The following ODF2L variants were observed in gnomAD, a reference collection of about 807,000 sequenced individuals.
The protein encoded by ODF2L is protein BCAP.
Under a neutral mutation model 86.3 loss-of-function variants are expected in ODF2L, and 76 were observed. That is an observed-to-expected ratio of 0.88 (90% CI 0.73 to 1.07). The LOEUF (loss-of-function observed/expected upper bound fraction) is 1.07, where lower values mean the gene tolerates loss of function less well. Among genes scored for constraint, ODF2L ranks in the 50% least tolerant of loss-of-function variants. The pLI is 0.00. For synonymous variants in ODF2L, 241 were observed against 231.3 expected (o/e 1.04, Z -0.38); for missense variants, 748 against 717.4 (o/e 1.04, Z -0.49).
chr1:86,388,687 A>AT (rs1338344623), intron 1 of ODF2L, among the ~76,000 whole-genome samples: 6 of 152,116 alleles, frequency 3.9e-5, no homozygotes. Context: ...GAAATTTTCA[A>AT]TTTGTAGAAA....
exon 10 of ODF2L, chr1:86,371,061 TCAATTGAGTGAA>T: frequency 1.3e-6 from 2 of 1,571,578 alleles, no homozygotes; most frequent in African/African-American, 2.7e-5. Flanking sequence ...ATTTTCATAT[TCAATTGAGTGAA>T]CTTTTCTAAG....
chr1:86,395,741 G>GC (rs909056098), intron 1 of ODF2L, among the ~76,000 whole-genome samples: 68 of 152,286 alleles, frequency 4.5e-4, no homozygotes, highest in Admixed American at 1.4e-3. Context: ...TCCAGGAACG[G>GC]CCCGGTCAGG....
At chr1:86,362,367 C>T (rs1659101566) in intron 11 of ODF2L, among the ~76,000 whole-genome samples, 1 of 151,668 alleles carries the variant, frequency 6.6e-6, no homozygotes, top group Admixed American at 6.6e-5. Context: ...AATCATGGTT[C>T]ACTGCAGCCT....
intron 11 of ODF2L, among the ~76,000 whole-genome samples, chr1:86,367,746 A>T (rs987070308): frequency 6.6e-6 from 1 of 152,218 alleles, no homozygotes; most frequent in Non-Finnish European, 1.5e-5. Flanking sequence ...GTTTAGAATC[A>T]ATCTATAAAA....
Position 86,354,515 on chromosome 1 carries a change from A to G in ODF2L, c.1767+15T>C, listed in dbSNP as rs1366318932. The G allele has an allele frequency of 6.5e-7, 1 of 1,534,816 alleles. No individual in the cohort carries two copies. Among genetic ancestry groups the G allele is most frequent in the Non-Finnish European group, 8.9e-7 (1 of 1,129,066 alleles). On this transcript the variant is annotated intron_variant, in intron 16 of 17. Transcript: ENST00000317336. ...TAAATGAATTAAAAAGTTTCTAAAT[A>G]AAGGCCATGCATACCTTTTGTCTTC... is the stretch of plus-strand genomic sequence containing the variant.
chr1:86,383,009 C>T lies in ODF2L; in HGVS notation c.436-7G>A. 6.9e-7 allele frequency: 1 copy of T among 1,457,428 alleles called. No homozygotes were observed. The highest frequency in any genetic ancestry group is 9.6e-7 in the Non-Finnish European group (1 of 1,040,342). 90.3% of individuals were successfully genotyped at this position (1,457,428 alleles called of 1,614,324 possible). A position where few individuals can be genotyped will look rare whatever the true frequency, so the allele number is the denominator to read the frequency against. ...ATACCTTCTTCTTAAGATTCTTGAG[C>T]AAATATAAAATAAGAATTAGGAATT... On this transcript the variant is annotated splice_polypyrimidine_tract_variant and splice_region_variant and intron_variant, in intron 5 of 17. Transcript: ENST00000317336.
At chr1:86,376,503 T>C (rs1391596347) in intron 7 of ODF2L, 85 bp from the exon 8 acceptor site, 2 of 818,978 alleles carry the variant, frequency 2.4e-6, no homozygotes, top group Non-Finnish European at 3.8e-6. Flanking sequence ...ATAACTGATA[T>C]GGTTTGTGTA....
chr1:86,379,774 C>T (rs1419145764), intron 7 of ODF2L, among the ~76,000 whole-genome samples: 1 of 152,134 alleles, frequency 6.6e-6, no homozygotes. Context: ...TATTCCAAGA[C>T]CAAACACAGG....
rs191494066 is a variant in ODF2L at position 86,366,026 on chromosome 1, G to A, written c.1143+2610C>T. Among the ~76,000 whole-genome samples the A allele has an allele frequency of 2.0e-3, 305 of 152,260 alleles. 4 individuals are homozygous for A. The highest frequency in any genetic ancestry group is 0.012 in the South Asian group (60 of 4,830). ...GACGGTGCTGGCGACCCAGAGCAAA[G>A]ACGCATGTATTTTGGCATTTTTAGG... On this transcript the variant is annotated intron_variant, in intron 11 of 17. Transcript: ENST00000317336.
At position 86,360,531 on chromosome 1, in the gene ODF2L, T is replaced by C. The variant is rs768070887; in HGVS notation, c.1149A>G (p.Thr383=). ...CAACTTCATCCTTCAAAGCAGCAAGTGTAGTCTAGCAAAAAAGATATAGAT... is the reference window on the plus strand; with the variant it reads ...CAACTTCATCCTTCAAAGCAGCAAGCGTAGTCTAGCAAAAAAGATATAGAT... Residue 383 remains threonine (T), a synonymous_variant, in exon 12 of 18, where the codon ACA becomes ACG. Coordinates refer to ENST00000317336, the Ensembl canonical transcript of ODF2L. 2.7e-6 allele frequency: 4 copies of C among 1,495,548 alleles called. No individual in the cohort carries two copies. The African/African-American group carries it at 5.6e-5, about 21-fold the overall frequency. The allele number at this position is 1,495,548 out of a possible 1,614,324, so 92.6% of individuals were successfully genotyped here.
chr1:86,388,409 T>A (rs1453005636), intron 1 of ODF2L, among the ~76,000 whole-genome samples: 1 of 152,116 alleles, frequency 6.6e-6, no homozygotes, highest in African/African-American at 2.4e-5. Context: ...TTTACTTGTT[T>A]AAATATTTGT....
chr1:86,368,056 G>A (rs1019880263), intron 11 of ODF2L, among the ~76,000 whole-genome samples: 36 of 151,992 alleles, frequency 2.4e-4, no homozygotes, highest in Admixed American at 1.9e-3. Flanking sequence ...AGCTGAACAC[G>A]GCAAGCCACA....
At chr1:86,351,769 A>T in exon 18 of ODF2L, 1 of 294,208 alleles carries the variant, frequency 3.4e-6, no homozygotes, top group African/African-American at 2.3e-5. Context: ...TTATTTCCTT[A>T]AGCAGTGGTT....
At chr1:86,386,472 G>A (rs947317623) in intron 2 of ODF2L, 2 of 153,190 alleles carry the variant, frequency 1.3e-5, no homozygotes, top group African/African-American at 2.4e-5. Flanking sequence ...TGTGACCTTC[G>A]CCTCCCAGGT....
intron 2 of ODF2L, chr1:86,385,810 G>C (rs995392287): frequency 2.3e-4 from 88 of 375,770 alleles, no homozygotes; most frequent in Admixed American, 8.7e-5. Context: ...TTGGATTAAA[G>C]ATGTACGTAT....
intron 11 of ODF2L, among the ~76,000 whole-genome samples, chr1:86,366,982 G>A (rs983440065): frequency 6.6e-6 from 1 of 151,980 alleles, no homozygotes; most frequent in Non-Finnish European, 1.5e-5. Flanking sequence ...GATTTACAAG[G>A]TCTACAAAGT....
intron 13 of ODF2L, chr1:86,357,639 A>T: frequency 7.5e-6 from 2 of 265,764 alleles, no homozygotes; most frequent in Non-Finnish European, 1.2e-5. Flanking sequence ...GTCTGTTTTA[A>T]GGACACTGAG....
intron 3 of ODF2L, 134 bp from the exon 4 acceptor site, chr1:86,384,935 C>T (rs192100941): frequency 1.1e-4 from 57 of 538,998 alleles, no homozygotes; most frequent in East Asian, 2.9e-4. Flanking sequence ...ATAAATGCTA[C>T]GAAATTTGTC....
intron 10 of ODF2L, among the ~76,000 whole-genome samples, chr1:86,369,345 T>A (rs1313810738): frequency 2.0e-5 from 3 of 152,178 alleles, no homozygotes; most frequent in East Asian, 1.9e-4. Context: ...CCGAAATAAG[T>A]GCATTACTAA....
Sources: allele counts gnomAD v4.1 joint callset (sites outside exome capture counted in the v4.1 genomes callset), GRCh38; gene constraint gnomAD v4.1.1; transcripts MANE v1.5; gene names NCBI Gene and HGNC (gene_info 2026-07-23, HGNC 2026-07-21).